The following CENPS variants were observed in gnomAD, a reference collection of about 807,000 sequenced individuals.
CENPS encodes the protein centromere protein S.
In CENPS, 16 loss-of-function variants were observed where a neutral mutation model predicts 17.9. That is an observed-to-expected ratio of 0.90 (90% CI 0.61 to 1.36). The LOEUF (loss-of-function observed/expected upper bound fraction) is 1.36. Ranked by LOEUF, CENPS falls within the 40% of genes most tolerant of loss-of-function variation. The pLI, the probability that CENPS is intolerant of heterozygous loss-of-function variation, is 0.00. For synonymous variants in CENPS, 49 were observed against 55.8 expected, an observed-to-expected ratio of 0.88 and a Z score of 0.54; for missense variants, 160 against 158.6, an observed-to-expected ratio of 1.01 and a Z score of -0.05.
intron 1 of CENPS, chr1:10,431,444 T>G (rs1221106067): frequency 8.5e-6 from 13 of 1,532,396 alleles, no homozygotes; most frequent in Non-Finnish European, 1.1e-5. Flanking sequence ...TCACCACTAG[T>G]TAGCATTTTG....
At chr1:10,436,502 G>C (rs1346802305) in intron 3 of CENPS, among the ~76,000 whole-genome samples, 3 of 149,302 alleles carry the variant, frequency 2.0e-5, no homozygotes, top group Non-Finnish European at 4.5e-5. Flanking sequence ...AGGAGTTCGA[G>C]ACCAGCCTGG....
chr1:10,431,524 C>T lies in CENPS; in HGVS notation c.51+956C>T, dbSNP rs1639913632. ...ATTAATTGCAGATATTTTGACACTT[C>T]GCCTTTACATTTTAATTCTTTAGTA... is the stretch of plus-strand genomic sequence containing the variant. On this transcript the variant is annotated intron_variant, in intron 1 of 4. Transcript: ENST00000309048. 4 of 1,226,748 alleles carry T rather than the reference C, an allele frequency of 3.3e-6. No homozygotes were observed. In the South Asian group the frequency reaches 5.7e-5, roughly 17 times the overall value. The allele number at this position is 1,226,748 out of a possible 1,614,324, so 76.0% of individuals were successfully genotyped here.
chr1:10,434,720 G>A (rs757310652), intron 3 of CENPS, 30 bp downstream of exon 3: 1 of 1,581,632 alleles, frequency 6.3e-7, no homozygotes, highest in African/African-American at 1.4e-5. Context: ...ATCCGACACT[G>A]CGTCTGTGTA....
intron 3 of CENPS, among the ~76,000 whole-genome samples, chr1:10,437,116 C>T (rs1035542081): frequency 2.6e-5 from 4 of 152,086 alleles, no homozygotes; most frequent in African/African-American, 9.7e-5. Context: ...AATGAGTATT[C>T]GTAACATTGT....
intron 3 of CENPS, among the ~76,000 whole-genome samples, 169 bp downstream of exon 3, chr1:10,434,859 G>T (rs1640077959): frequency 6.6e-6 from 1 of 152,192 alleles, no homozygotes; most frequent in East Asian, 1.9e-4. Flanking sequence ...TTCAATCACG[G>T]TGATTCACAC....
chr1:10,432,825 T>A (rs530267309), intron 1 of CENPS, among the ~76,000 whole-genome samples: 1 of 152,068 alleles, frequency 6.6e-6, no homozygotes, highest in South Asian at 2.1e-4. Flanking sequence ...AGCCCAGGAG[T>A]TCGAGGCTGT....
chr1:10,440,189 C>A, intron 3 of CENPS, 158 bp from the exon 4 acceptor site: 2 of 957,960 alleles, frequency 2.1e-6, no homozygotes, highest in Non-Finnish European at 1.5e-6. Context: ...AGGAACTTCA[C>A]TAATTTTTGT....
intron 4 of CENPS, among the ~76,000 whole-genome samples, chr1:10,441,513 C>T (rs1156509298): frequency 1.3e-5 from 2 of 150,946 alleles, no homozygotes; most frequent in Non-Finnish European, 2.9e-5. Flanking sequence ...GGGGTTTCAC[C>T]ATATTGCCTG....
At chr1:10,432,284 C>T (rs1445324375) in intron 1 of CENPS, among the ~76,000 whole-genome samples, 1 of 152,090 alleles carries the variant, frequency 6.6e-6, no homozygotes, top group Admixed American at 6.6e-5. Flanking sequence ...ACAGTTTCAC[C>T]ATGTTGGCCA....
At chr1:10,438,515 G>T (rs1039962951) in intron 3 of CENPS, among the ~76,000 whole-genome samples, 32 of 152,294 alleles carry the variant, frequency 2.1e-4, no homozygotes, top group Admixed American at 2.0e-3. Flanking sequence ...CAAACATTTT[G>T]AAGAAGATAG....
chr1:10,441,129 T>C (rs1418027397), intron 4 of CENPS, among the ~76,000 whole-genome samples: 6 of 152,170 alleles, frequency 3.9e-5, no homozygotes, highest in African/African-American at 1.4e-4. Flanking sequence ...TATAGCAGTT[T>C]ACAGGGGCTT....
chr1:10,433,932 G>A lies in CENPS; in HGVS notation c.142G>A (p.Ala48Thr). 1 of 1,614,206 alleles carries A rather than the reference G, an allele frequency of 6.2e-7. No individual in the cohort carries two copies. The highest frequency in any genetic ancestry group is 8.5e-7 in the Non-Finnish European group (1 of 1,180,046). ...KEMQFSKQTI[A>T]AISELTFRQC... ...GATGCAGTTCAGCAAACAGACCATT[G>A]CGGCCATTTCGGAGCTGACTTTCCG... The change falls in exon 2 of 5, where the codon GCG becomes ACG. Residue 48 changes from alanine (A) to threonine (T), a missense_variant. Transcript: ENST00000309048.
intron 1 of CENPS, 112 bp downstream of exon 1, chr1:10,430,680 G>GC (rs538643865): frequency 2.2e-5 from 32 of 1,430,056 alleles, no homozygotes; most frequent in South Asian, 1.0e-4. Flanking sequence ...GCCCCCGGGC[G>GC]CCCCCCGCGG....
At chr1:10,431,102 C>G in intron 1 of CENPS, 1 of 1,404,808 alleles carries the variant, frequency 7.1e-7, no homozygotes, top group Non-Finnish European at 9.2e-7. Flanking sequence ...GGCCCAGACG[C>G]AATTTTCTTC....
At position 10,440,351 on chromosome 1, in the gene CENPS, G is replaced by A; in HGVS notation, c.214G>A (p.Ala72Thr). 1.2e-6 allele frequency: 2 copies of A among 1,613,552 alleles called. No homozygotes were observed. Among genetic ancestry groups the A allele is most frequent in the South Asian group, 1.1e-5 (1 of 90,916 alleles). Residue 72 changes from alanine (A) to threonine (T), a missense_variant, in exon 4 of 5, where the codon GCG becomes ACG. Ala to Thr is a moderately conservative substitution (Grantham distance 58, BLOSUM62 0). Transcript: ENST00000309048. Reference protein sequence around the residue: ...AKDLEMFARHAKRTTINTEDV... With the variant: ...AKDLEMFARHTKRTTINTEDV... ...TTGCTTCTGCCCTTTCTGCAGACAT[G>A]CGAAAAGAACCACAATTAACACTGA... is the stretch of plus-strand genomic sequence containing the variant.
intron 3 of CENPS, among the ~76,000 whole-genome samples, chr1:10,435,716 TACACACAC>T (rs60607643): frequency 2.1e-5 from 3 of 142,570 alleles, no homozygotes; most frequent in African/African-American, 7.9e-5. Context: ...TATATATATA[TACACACAC>T]ACACACACAC....
At chr1:10,440,559 TAC>T in intron 4 of CENPS, 146 bp downstream of exon 4, 1 of 1,097,292 alleles carries the variant, frequency 9.1e-7, no homozygotes, top group Non-Finnish European at 1.3e-6. Context: ...GCCTGTAATT[TAC>T]AGTCTTGCTT....
In CENPS at chr1:10,433,859, T is replaced by C; in HGVS notation, c.69T>C (p.Val23=). The change falls in exon 2 of 5, where the codon GTT becomes GTC. Residue 23 remains valine, a synonymous_variant. Transcript: ENST00000309048. ...FSYQQRLKAA[V]HYTVGCLCEE... ...TTCCCCAGAGGCTAAAGGCAGCAGT[T>C]CACTATACTGTGGGTTGTCTTTGCG... 1 of 1,614,214 alleles carries C rather than the reference T, an allele frequency of 6.2e-7. No individual in the cohort carries two copies. Among genetic ancestry groups the C allele is most frequent in the Non-Finnish European group, 8.5e-7 (1 of 1,180,034 alleles).
At chr1:10,437,316 G>A (rs1384757879) in intron 3 of CENPS, among the ~76,000 whole-genome samples, 1 of 151,668 alleles carries the variant, frequency 6.6e-6, no homozygotes, top group East Asian at 1.9e-4. Flanking sequence ...CTGAGCCACT[G>A]TGCCTGGCAT....
Sources: allele counts gnomAD v4.1 joint callset (sites outside exome capture counted in the v4.1 genomes callset), GRCh38; gene constraint gnomAD v4.1.1; transcripts MANE v1.5; gene names NCBI Gene and HGNC (gene_info 2026-07-23, HGNC 2026-07-21).